XKR6: variants seen among roughly 807,000 people sequenced by gnomAD.
XKR6 encodes the protein XK related 6.
XKR6 carries 22 observed loss-of-function variants against 56.7 expected under a neutral mutation model. The ratio of observed to expected loss-of-function variants is 0.39; its 90% CI spans 0.28 to 0.55. XKR6 has a LOEUF of 0.55. Ranked by LOEUF, XKR6 falls within the 20% of genes least tolerant of loss-of-function variation. The pLI, the probability that XKR6 is intolerant of heterozygous loss-of-function variation, is 0.66. For synonymous variants in XKR6, 524 were observed against 387.8 expected, an observed-to-expected ratio of 1.35 and a Z score of -4.13; for missense variants, 852 against 889.0, an observed-to-expected ratio of 0.96 and a Z score of 0.53.
At chr8:11,184,367 T>TTA (rs1238687932) in intron 1 of XKR6, among the ~76,000 whole-genome samples, 120 of 147,184 alleles carry the variant, frequency 8.2e-4, no homozygotes, top group Admixed American at 3.9e-3. Flanking sequence ...AATACATATT[T>TTA]TATATATATA....
At chr8:10,999,842 G>A (rs1436623265) in intron 1 of XKR6, among the ~76,000 whole-genome samples, 1 of 152,174 alleles carries the variant, frequency 6.6e-6, no homozygotes, top group Non-Finnish European at 1.5e-5. Context: ...AAATCATGGG[G>A]CAGGGTCAAG....
chr8:11,118,641 G>A (rs1799295672), intron 1 of XKR6, among the ~76,000 whole-genome samples: 1 of 152,126 alleles, frequency 6.6e-6, no homozygotes, highest in Non-Finnish European at 1.5e-5. Context: ...ATTTCTGTGG[G>A]ATCGGTGGTG....
At chr8:11,174,258 C>G (rs535744660) in intron 1 of XKR6, among the ~76,000 whole-genome samples, 303 of 152,346 alleles carry the variant, frequency 2.0e-3, no homozygotes, top group Non-Finnish European at 3.0e-3. Context: ...CCCTTCCTCT[C>G]AAGCAGTAAG....
At chr8:11,014,410 T>A (rs1015414852) in intron 1 of XKR6, among the ~76,000 whole-genome samples, 6 of 152,148 alleles carry the variant, frequency 3.9e-5, no homozygotes, top group Non-Finnish European at 8.8e-5. Context: ...GAATGATCCT[T>A]CCGTAAAGGC....
intron 1 of XKR6, among the ~76,000 whole-genome samples, chr8:10,968,589 G>C (rs1474220977): frequency 6.6e-6 from 1 of 152,224 alleles, no homozygotes; most frequent in Non-Finnish European, 1.5e-5. Flanking sequence ...GATGACACCA[G>C]TCCTCGGTGT....
At chr8:11,137,952 C>A (rs908427049) in intron 1 of XKR6, 3 of 345,910 alleles carry the variant, frequency 8.7e-6, no homozygotes, top group Non-Finnish European at 1.7e-5. Context: ...AGTAAACCCA[C>A]CAGGCTCATT....
rs1802779230 is a variant in XKR6 at position 11,178,547 on chromosome 8, A to ATATATAT, written c.764+22028_764+22029insATATATA. On this transcript the variant is annotated intron_variant, in intron 1 of 2. Transcript: ENST00000416569. ...TAAGTCCAAACATCTGAGAGGTAAA[A>ATATATAT]ATATATATATATATATATATATATA... 3.3e-3 allele frequency among the ~76,000 whole-genome samples: 291 copies of ATATATAT among 88,374 alleles called. 3 individuals carry two copies. The highest frequency in any genetic ancestry group is 0.016 in the African/African-American group (269 of 17,090). 58.0% of individuals were successfully genotyped at this position (88,374 alleles called of 152,430 possible).
intron 1 of XKR6, among the ~76,000 whole-genome samples, chr8:11,097,722 G>A (rs1171921898): frequency 2.7e-5 from 4 of 146,686 alleles, no homozygotes; most frequent in Non-Finnish European, 5.9e-5. Flanking sequence ...CAGCAGAATC[G>A]CTTGAACCCA....
At chr8:10,928,815 A>AC (rs1344958928) in intron 1 of XKR6, among the ~76,000 whole-genome samples, 1 of 152,300 alleles carries the variant, frequency 6.6e-6, no homozygotes, top group Non-Finnish European at 1.5e-5. Context: ...CAGAAAGCTT[A>AC]CCGCACCGTT....
chr8:11,072,574 C>T (rs1014871886), intron 1 of XKR6, among the ~76,000 whole-genome samples: 18 of 152,166 alleles, frequency 1.2e-4, no homozygotes, highest in African/African-American at 4.3e-4. Context: ...CCACACGTCT[C>T]ATGTTGAGTG....
At position 10,897,812 on chromosome 8, in the gene XKR6, A is replaced by G; in HGVS notation, c.*140T>C. 2.0e-6 allele frequency: 2 copies of G among 1,014,234 alleles called. No homozygotes were observed. Among genetic ancestry groups the G allele is most frequent in the Non-Finnish European group, 2.7e-6 (2 of 728,226 alleles). 62.8% of individuals were successfully genotyped at this position (1,014,234 alleles called of 1,614,324 possible). On this transcript the variant is annotated 3_prime_UTR_variant, in exon 3 of 3. Coordinates refer to ENST00000416569, the MANE Select transcript of XKR6 (RefSeq NM_173683.4). ...GACTTATTAATTCTTTTTTTTTTGT[A>G]GTGGTGGTGTTGGTGTGGCGGTGTT...
intron 1 of XKR6, among the ~76,000 whole-genome samples, chr8:11,198,297 G>GA (rs1312081784): frequency 6.6e-6 from 1 of 151,928 alleles, no homozygotes; most frequent in Non-Finnish European, 1.5e-5. Context: ...ATCTAACTGG[G>GA]AAAAAAAATT....
chr8:10,945,233 C>T (rs751207822), intron 1 of XKR6, among the ~76,000 whole-genome samples: 24 of 152,302 alleles, frequency 1.6e-4, no homozygotes, highest in Admixed American at 6.5e-4. Context: ...CCTGCAGTCC[C>T]AGCACTTTGG....
At chr8:11,040,586 T>C (rs189346299) in intron 1 of XKR6, among the ~76,000 whole-genome samples, 1 of 152,176 alleles carries the variant, frequency 6.6e-6, no homozygotes, top group East Asian at 1.9e-4. Flanking sequence ...CAGAAATTCA[T>C]TTCTCAGTTC....
At chr8:11,021,854 T>G in intron 1 of XKR6, among the ~76,000 whole-genome samples, 1 of 152,104 alleles carries the variant, frequency 6.6e-6, no homozygotes, top group East Asian at 1.9e-4. Context: ...CTCCCTGACC[T>G]TGGCTTCCTG....
chr8:11,059,594 G>C (rs1054438308), intron 1 of XKR6, among the ~76,000 whole-genome samples: 2 of 151,752 alleles, frequency 1.3e-5, no homozygotes, highest in African/African-American at 4.8e-5. Context: ...GGCGGTGCCA[G>C]TGGAGGAGGA....
intron 1 of XKR6, among the ~76,000 whole-genome samples, chr8:11,093,738 T>C (rs1433125471): frequency 1.3e-5 from 2 of 152,196 alleles, no homozygotes; most frequent in African/African-American, 4.8e-5. Flanking sequence ...CTCTCTATAA[T>C]TCAAAATTTA....
intron 1 of XKR6, among the ~76,000 whole-genome samples, chr8:11,071,865 G>T (rs956909556): frequency 1.6e-5 from 2 of 126,412 alleles, no homozygotes; most frequent in African/African-American, 7.7e-5. Context: ...CACATCACAG[G>T]GAATCACTCT....
At chr8:11,120,696 C>T (rs1197775464) in intron 1 of XKR6, among the ~76,000 whole-genome samples, 1 of 152,108 alleles carries the variant, frequency 6.6e-6, no homozygotes, top group Non-Finnish European at 1.5e-5. Context: ...CTTTAAAGCT[C>T]ATATGGAACC....
Sources: allele counts gnomAD v4.1 joint callset (sites outside exome capture counted in the v4.1 genomes callset), GRCh38; gene constraint gnomAD v4.1.1; transcripts MANE v1.5; gene names NCBI Gene and HGNC (gene_info 2026-07-23, HGNC 2026-07-21).